CACNA2D3: variants seen among roughly 807,000 people sequenced by gnomAD.
CACNA2D3 encodes the protein calcium voltage-gated channel auxiliary subunit alpha2delta 3.
A neutral mutation model predicts 160.6 loss-of-function variants in CACNA2D3; 60 were observed. The ratio of observed to expected loss-of-function variants is 0.37; its 90% CI spans 0.30 to 0.46. CACNA2D3 has a LOEUF of 0.46. Among genes scored for constraint, CACNA2D3 ranks in the 20% least tolerant of loss-of-function variants. CACNA2D3 has a pLI of 1.00. For synonymous variants in CACNA2D3, 558 were observed against 492.9 expected, an observed-to-expected ratio of 1.13 and a Z score of -1.75; for missense variants, 1,205 against 1,365.0, an observed-to-expected ratio of 0.88 and a Z score of 1.85.
intron 11 of CACNA2D3, among the ~76,000 whole-genome samples, chr3:54,738,460 A>G (rs1360669473): frequency 6.6e-6 from 1 of 152,238 alleles, no homozygotes; most frequent in Non-Finnish European, 1.5e-5. Context: ...GTTCCAGCAC[A>G]TGGTATCTTT....
intron 2 of CACNA2D3, among the ~76,000 whole-genome samples, chr3:54,298,659 G>A (rs1173314731): frequency 2.0e-5 from 3 of 152,104 alleles, no homozygotes; most frequent in Non-Finnish European, 4.4e-5. Context: ...AATTAGCCAG[G>A]TGCGGTGGTG....
chr3:54,885,199 G>A, intron 21 of CACNA2D3, 82 bp from the exon 22 acceptor site: 1 of 1,471,916 alleles, frequency 6.8e-7, no homozygotes, highest in Non-Finnish European at 9.5e-7. Flanking sequence ...CCACCCCGCA[G>A]CCCTACCCTA....
At position 54,252,185 on chromosome 3, in the gene CACNA2D3, A is replaced by G. The variant is rs117660735; in HGVS notation, c.205-68257A>G. ...AAAACACAGGTAGATCCTTGAAGGA[A>G]AAATCTTTGTTTTCTTGCAGGATGG... On this transcript the variant is annotated intron_variant, in intron 2 of 37. Coordinates refer to ENST00000474759, the MANE Select transcript of CACNA2D3 (RefSeq NM_018398.3). Among the ~76,000 whole-genome samples, 426 of 147,612 alleles carry G rather than the reference A, an allele frequency of 2.9e-3. 9 individuals carry two copies. The East Asian group carries it at 0.044, about 15-fold the overall frequency.
At chr3:54,308,449 A>C (rs7620849) in intron 2 of CACNA2D3, among the ~76,000 whole-genome samples, 15,813 of 152,144 alleles carry the variant, frequency 0.1, 1,002 homozygotes, top group South Asian at 0.17. Context: ...CGGCTGGCTG[A>C]ATGTGGAAGA....
intron 5 of CACNA2D3, among the ~76,000 whole-genome samples, chr3:54,540,592 T>A (rs1701956636): frequency 6.6e-6 from 1 of 152,084 alleles, no homozygotes; most frequent in South Asian, 2.1e-4. Context: ...GTCGGGTAAA[T>A]AGGTAGTGGT....
chr3:54,626,635 A>T, intron 9 of CACNA2D3: 1 of 1,156,216 alleles, frequency 8.6e-7, no homozygotes, highest in Non-Finnish European at 1.3e-6. Flanking sequence ...CTCCCGCTTC[A>T]TCCCTCTCAA....
chr3:54,385,711 A>G (rs1427379796), intron 3 of CACNA2D3, among the ~76,000 whole-genome samples: 4 of 152,150 alleles, frequency 2.6e-5, no homozygotes, highest in Non-Finnish European at 5.9e-5. Flanking sequence ...TTGTCCATCA[A>G]TTTGTGACCG....
At chr3:54,894,462 A>T (rs58346602) in intron 25 of CACNA2D3, 53,046 of 431,246 alleles carry the variant, frequency 0.12, 3,702 homozygotes, top group African/African-American at 0.16. Context: ...CAAAGCCTGA[A>T]TGTCACTGCC....
chr3:54,292,295 A>G (rs1306911099), intron 2 of CACNA2D3, among the ~76,000 whole-genome samples: 2 of 152,226 alleles, frequency 1.3e-5, no homozygotes, highest in Non-Finnish European at 2.9e-5. Flanking sequence ...TAATGACAGC[A>G]AAAGTATGAG....
In CACNA2D3 at chr3:54,697,880, T is replaced by TA. The variant is rs1491433380; in HGVS notation, c.1168-54719_1168-54718insA. 2.0e-5 allele frequency among the ~76,000 whole-genome samples: 3 copies of TA among 151,936 alleles called. No individual in the cohort carries two copies. In the South Asian group the frequency reaches 6.3e-4, roughly 32 times the overall value. The stretch of plus-strand genomic sequence containing the variant: ...AATTTAGTTTTCCCTTAGCCAGACA[T>TA]TTTTTTTTTCTTCCAGTCTCATTTC... On this transcript the variant is annotated intron_variant, in intron 11 of 37. Transcript: ENST00000474759.
chr3:54,322,064 G>A (rs927335907), intron 3 of CACNA2D3, among the ~76,000 whole-genome samples: 1 of 152,114 alleles, frequency 6.6e-6, no homozygotes, highest in African/African-American at 2.4e-5. Context: ...TTCTACAATT[G>A]ACAAAGTAGC....
chr3:54,722,541 G>C (rs1280851834), intron 11 of CACNA2D3, among the ~76,000 whole-genome samples: 2 of 152,160 alleles, frequency 1.3e-5, no homozygotes, highest in Non-Finnish European at 2.9e-5. Flanking sequence ...CCCCATCTTT[G>C]TGGAGTTATC....
intron 10 of CACNA2D3, among the ~76,000 whole-genome samples, chr3:54,631,848 AT>A (rs1444018372): frequency 6.6e-6 from 1 of 152,198 alleles, no homozygotes; most frequent in Admixed American, 6.5e-5. Flanking sequence ...TGCAATTATC[AT>A]TTTTGGCGAT....
intron 5 of CACNA2D3, among the ~76,000 whole-genome samples, chr3:54,547,629 A>G (rs111574919): frequency 9.3e-5 from 14 of 150,890 alleles, no homozygotes; most frequent in African/African-American, 3.4e-4. Context: ...GCAGGAAGAC[A>G]TAGAGGATTT....
chr3:54,892,524 A>G (rs577356851), intron 25 of CACNA2D3, among the ~76,000 whole-genome samples: 3 of 152,346 alleles, frequency 2.0e-5, no homozygotes, highest in African/African-American at 7.2e-5. Flanking sequence ...ATTCTGTTCC[A>G]GGACTTTGAC....
intron 4 of CACNA2D3, among the ~76,000 whole-genome samples, chr3:54,425,076 T>C (rs2106759624): frequency 6.6e-6 from 1 of 152,338 alleles, no homozygotes; most frequent in Non-Finnish European, 1.5e-5. Context: ...ACGCCTGTAA[T>C]CCCAGAACTT....
At chr3:54,650,352 A>G (rs1406068039) in intron 11 of CACNA2D3, among the ~76,000 whole-genome samples, 1 of 150,936 alleles carries the variant, frequency 6.6e-6, no homozygotes, top group Non-Finnish European at 1.5e-5. Context: ...GTCAGGCACC[A>G]CCACACCTGG....
intron 2 of CACNA2D3, among the ~76,000 whole-genome samples, chr3:54,161,745 C>G (rs1159698398): frequency 1.3e-5 from 2 of 152,234 alleles, no homozygotes; most frequent in African/African-American, 4.8e-5. Context: ...GGTTGCCATC[C>G]TCTTTCCATT....
At chr3:54,509,504 A>T (rs1455310467) in intron 5 of CACNA2D3, among the ~76,000 whole-genome samples, 3 of 152,124 alleles carry the variant, frequency 2.0e-5, no homozygotes, top group African/African-American at 7.2e-5. Context: ...ATATGGCCAT[A>T]ACTTGGTATT....
Sources: gnomAD v4.1 joint callset for allele counts (sites outside exome capture counted in the v4.1 genomes callset) on GRCh38, gnomAD v4.1.1 for gene constraint, MANE v1.5 for transcripts, NCBI Gene and HGNC (gene_info 2026-07-23, HGNC 2026-07-21) for gene names.